Variants in AXDND1 observed in about 807,000 individuals in gnomAD.
The protein encoded by AXDND1 is axonemal dynein light chain domain-containing protein 1.
In AXDND1, 110 loss-of-function variants were observed where a neutral mutation model predicts 137.5. The observed-to-expected ratio is 0.80, with a 90% confidence interval of 0.69 to 0.94. AXDND1 has a LOEUF of 0.94. Ranked by LOEUF, AXDND1 falls within the 40% of genes least tolerant of loss-of-function variation. AXDND1 has a pLI of 0.00. For synonymous variants in AXDND1, 414 were observed against 399.7 expected (o/e 1.04, Z -0.43); for missense variants, 1,191 against 1,169.8 (o/e 1.02, Z -0.26).
In AXDND1 at chr1:179,551,126, CT is replaced by C. The variant is rs748220964; in HGVS notation, c.3032-3382del. 7 of 1,612,316 alleles carry C rather than the reference CT, an allele frequency of 4.3e-6. No individual in the cohort carries two copies. The African/African-American group carries it at 9.3e-5, about 22-fold the overall frequency. On this transcript the variant is annotated intron_variant, in intron 25 of 25. Coordinates refer to ENST00000367618, the MANE Select transcript of AXDND1 (RefSeq NM_144696.6). ...CAGAGTGTCTCCCTCAGGCATGTGA[CT>C]TTTCTATGGCAGGCCCCTTTACAGT...
intron 17 of AXDND1, among the ~76,000 whole-genome samples, chr1:179,476,641 T>TC (rs1239178602): frequency 6.6e-6 from 1 of 152,142 alleles, no homozygotes; most frequent in Non-Finnish European, 1.5e-5. Context: ...TTGGTTGACA[T>TC]TTTTTTCTTC....
chr1:179,465,926 G>T (rs140068451), intron 16 of AXDND1, among the ~76,000 whole-genome samples: 1 of 152,224 alleles, frequency 6.6e-6, no homozygotes, highest in Non-Finnish European at 1.5e-5. Context: ...TGAGCCAGGC[G>T]CGGGATATAA....
intron 25 of AXDND1, among the ~76,000 whole-genome samples, chr1:179,537,645 A>T (rs1490188486): frequency 1.3e-5 from 2 of 152,180 alleles, no homozygotes; most frequent in South Asian, 2.1e-4. Context: ...GATATTGGTC[A>T]AAAATTCTCT....
chr1:179,521,023 C>A (rs1479972905), intron 21 of AXDND1, among the ~76,000 whole-genome samples: 1 of 151,636 alleles, frequency 6.6e-6, no homozygotes, highest in Non-Finnish European at 1.5e-5. Context: ...GTTCAGCGGT[C>A]CAGTTATGGT....
chr1:179,384,542 A>G (rs1477527508), intron 8 of AXDND1, among the ~76,000 whole-genome samples: 4 of 152,112 alleles, frequency 2.6e-5, no homozygotes, highest in East Asian at 1.9e-4. Context: ...TTTAGTTGTC[A>G]TGTTTCTTTA....
intron 25 of AXDND1, among the ~76,000 whole-genome samples, chr1:179,549,333 C>G (rs1306611285): frequency 1.3e-5 from 2 of 152,164 alleles, no homozygotes; most frequent in African/African-American, 4.8e-5. Context: ...TGATTTCCTT[C>G]TTATCAAGCC....
At chr1:179,540,643 G>A (rs1288511902) in intron 25 of AXDND1, among the ~76,000 whole-genome samples, 1 of 152,206 alleles carries the variant, frequency 6.6e-6, no homozygotes, top group African/African-American at 2.4e-5. Flanking sequence ...CAACTGGGAG[G>A]TATCTCCCAG....
chr1:179,489,838 C>T (rs868709247), intron 18 of AXDND1, among the ~76,000 whole-genome samples: 5 of 149,566 alleles, frequency 3.3e-5, no homozygotes, highest in African/African-American at 4.9e-5. Context: ...CTCCGCCTCC[C>T]GGGTTCAAGC....
At chr1:179,551,327 T>C (rs866921812) in intron 25 of AXDND1, 3 of 1,614,058 alleles carry the variant, frequency 1.9e-6, no homozygotes, top group African/African-American at 1.3e-5. Flanking sequence ...GGAAGGCTTC[T>C]CTGTGGACAG....
At position 179,432,181 on chromosome 1, in the gene AXDND1, A is replaced by G; in HGVS notation, c.1488-86A>G. 10 of 1,420,570 alleles carry G rather than the reference A, an allele frequency of 7.0e-6. No homozygotes were observed. The South Asian group carries it at 1.3e-4, about 19-fold the overall frequency. 88.0% of individuals were successfully genotyped at this position (1,420,570 alleles called of 1,614,324 possible). On this transcript the variant is annotated intron_variant, in intron 14 of 25. Transcript: ENST00000367618. The stretch of plus-strand genomic sequence containing the variant: ...CAAAATTATTGAGGAGAAATATGTT[A>G]GTTGTTTAGTCTTTAGTGTGTGAAC...
At chr1:179,381,812 C>G (rs1381672499) in intron 6 of AXDND1, among the ~76,000 whole-genome samples, 2 of 151,768 alleles carry the variant, frequency 1.3e-5, no homozygotes, top group Admixed American at 1.3e-4. Context: ...TGGAGTTTTG[C>G]TGTTGTTGCC....
intron 20 of AXDND1, 145 bp from the exon 21 acceptor site, chr1:179,509,151 C>T (rs2125638574): frequency 1.8e-6 from 1 of 561,176 alleles, no homozygotes; most frequent in Non-Finnish European, 3.1e-6. Context: ...TAGCCAGTCA[C>T]CACTGCACAA....
At chr1:179,375,629 A>G (rs1276361111) in intron 4 of AXDND1, among the ~76,000 whole-genome samples, 2 of 121,410 alleles carry the variant, frequency 1.6e-5, no homozygotes, top group Non-Finnish European at 3.6e-5. Context: ...ACACACACAT[A>G]TATGTACATG....
In AXDND1 at chr1:179,366,446, T is replaced by G; in HGVS notation, c.-64T>G. ...CAAGTCCCAGTGCGGCGCTGATTTG[T>G]GTCTAAATTAGCTTTCCGGAGGACT... is the stretch of plus-strand genomic sequence containing the variant. On this transcript the variant is annotated 5_prime_UTR_variant, in exon 2 of 26. Coordinates refer to ENST00000367618, the MANE Select transcript of AXDND1 (RefSeq NM_144696.6). 1 of 1,339,090 alleles carries G rather than the reference T, an allele frequency of 7.5e-7. No homozygotes were observed. Among genetic ancestry groups the G allele is most frequent in the South Asian group, 1.2e-5 (1 of 85,060 alleles). The allele number at this position is 1,339,090 out of a possible 1,614,324, so 83.0% of individuals were successfully genotyped here.
rs556826860 is a variant in AXDND1, at chr1:179,486,297, A to G, written c.2091+3076A>G. 5.9e-5 allele frequency among the ~76,000 whole-genome samples: 9 copies of G among 152,226 alleles called. No homozygotes were observed. The South Asian group carries it at 1.5e-3, about 25-fold the overall frequency. Reference sequence around the variant, plus strand: ...CAAAAATAAAAAACAATAAAGATGAATGAACAAAACCTCTGAGAAATATGA... The same window carrying G: ...CAAAAATAAAAAACAATAAAGATGAGTGAACAAAACCTCTGAGAAATATGA... On this transcript the variant is annotated intron_variant, in intron 18 of 25. Transcript: ENST00000367618.
chr1:179,525,539 C>G, intron 22 of AXDND1, 92 bp downstream of exon 22: 1 of 1,378,724 alleles, frequency 7.3e-7, no homozygotes, highest in East Asian at 2.8e-5. Context: ...CCCTGTCACC[C>G]AGGTTGGAGT....
chr1:179,529,619 C>T (rs1323279916), intron 23 of AXDND1, among the ~76,000 whole-genome samples: 1 of 152,102 alleles, frequency 6.6e-6, no homozygotes, highest in African/African-American at 2.4e-5. Flanking sequence ...CAAAGGTGGC[C>T]TTGTTATGTA....
intron 3 of AXDND1, 85 bp downstream of exon 3, chr1:179,369,057 A>G (rs137890657): frequency 3.8e-6 from 5 of 1,312,910 alleles, no homozygotes; most frequent in Non-Finnish European, 4.2e-6. Context: ...TGCACATATT[A>G]TATATTCCAG....
intron 14 of AXDND1, among the ~76,000 whole-genome samples, chr1:179,431,087 G>A (rs1657302289): frequency 6.6e-6 from 1 of 152,086 alleles, no homozygotes; most frequent in African/African-American, 2.4e-5. Flanking sequence ...CACAGCCAAG[G>A]TTAGTGGGAA....
Sources: gnomAD v4.1 joint callset for allele counts (sites outside exome capture counted in the v4.1 genomes callset) on GRCh38, gnomAD v4.1.1 for gene constraint, MANE v1.5 for transcripts, NCBI Gene and HGNC (gene_info 2026-07-23, HGNC 2026-07-21) for gene names.